The following CACNA1E variants were observed in gnomAD, a reference collection of about 807,000 sequenced individuals.
CACNA1E encodes the protein voltage-dependent R-type calcium channel subunit alpha-1E.
In CACNA1E, 40 loss-of-function variants were observed where a neutral mutation model predicts 259.2. The observed-to-expected ratio is 0.15, with a 90% CI of 0.12 to 0.20. The LOEUF (loss-of-function observed/expected upper bound fraction) is 0.20. Among genes scored for constraint, CACNA1E ranks in the 10% least tolerant of loss-of-function variants. CACNA1E has a pLI of 1.00. For synonymous variants in CACNA1E, 1,104 were observed against 1,138.5 expected (o/e 0.97, Z 0.61); for missense variants, 1,874 against 3,040.1 (o/e 0.62, Z 9.02).
At chr1:181,726,418 G>A (rs1654913773) in intron 18 of CACNA1E, among the ~76,000 whole-genome samples, 1 of 152,246 alleles carries the variant, frequency 6.6e-6, no homozygotes, top group African/African-American at 2.4e-5. Context: ...TGGTGGAGAA[G>A]TACAGGAGCT....
At chr1:181,746,402 A>G (rs1209508626) in intron 25 of CACNA1E, among the ~76,000 whole-genome samples, 1 of 152,202 alleles carries the variant, frequency 6.6e-6, no homozygotes, top group African/African-American at 2.4e-5. Flanking sequence ...GACTCATTTG[A>G]CTAGTAAATA....
chr1:181,650,678 C>T (rs1033997779), intron 6 of CACNA1E, among the ~76,000 whole-genome samples: 14 of 151,874 alleles, frequency 9.2e-5, no homozygotes, highest in Non-Finnish European at 1.8e-4. Context: ...ATTCATGATT[C>T]GAGAATCCGG....
intron 37 of CACNA1E, among the ~76,000 whole-genome samples, chr1:181,775,221 A>G (rs1659872883): frequency 6.6e-6 from 1 of 152,170 alleles, no homozygotes; most frequent in African/African-American, 2.4e-5. Context: ...TGACTAGTTG[A>G]GGCCTGGGTC....
At chr1:181,785,295 T>C in intron 41 of CACNA1E, 23 bp from the exon 42 acceptor site, 1 of 1,428,582 alleles carries the variant, frequency 7.0e-7, no homozygotes, top group Non-Finnish European at 9.9e-7. Context: ...CTGTTCACCA[T>C]CATGCCACAT....
chr1:181,718,418 A>C (rs1408229907), intron 12 of CACNA1E, among the ~76,000 whole-genome samples: 1 of 152,144 alleles, frequency 6.6e-6, no homozygotes, highest in Non-Finnish European at 1.5e-5. Context: ...GGGTACACTT[A>C]AGTGTATAGC....
At position 181,800,746 on chromosome 1, in the gene CACNA1E, A is replaced by G. The variant is rs1662212117; in HGVS notation, c.*1912A>G. ...TTCCCTCTATTTTTTAAATTGAAAT[A>G]TAATAGCTGCATCAGCCCTGAAAAG... On this transcript the variant is annotated 3_prime_UTR_variant, in exon 48 of 48. Coordinates refer to ENST00000367573, the MANE Select transcript of CACNA1E (RefSeq NM_001205293.3). The G allele has an allele frequency of 1.3e-5, 2 of 152,654 alleles. No individual in the cohort carries two copies. The highest frequency in any genetic ancestry group is 4.8e-5 in the African/African-American group (2 of 41,454). 9.5% of individuals were successfully genotyped at this position (152,654 alleles called of 1,614,324 possible).
At chr1:181,724,067 C>T (rs1486968328) in intron 16 of CACNA1E, among the ~76,000 whole-genome samples, 2 of 152,178 alleles carry the variant, frequency 1.3e-5, no homozygotes, top group Non-Finnish European at 2.9e-5. Context: ...TGGTGACCAG[C>T]CCCCATCCAG....
chr1:181,397,541 G>A lies in CACNA1E; in HGVS notation c.-14-15592G>A, dbSNP rs552630806. ...GTCTCGAACTGGCCTCGAGTGATCC[G>A]CCTGCCTCGGCCTCCCAAAGTGCTG... On this transcript the variant is annotated intron_variant, in intron 1 of 11. Coordinates refer to the CACNA1E transcript ENST00000524607. Among the ~76,000 whole-genome samples the A allele has an allele frequency of 3.3e-5, 5 of 152,058 alleles. No homozygotes were observed. The South Asian group carries it at 6.2e-4, about 19-fold the overall frequency.
intron 1 of CACNA1E, among the ~76,000 whole-genome samples, chr1:181,493,785 G>A (rs1664510009): frequency 6.6e-6 from 1 of 152,180 alleles, no homozygotes; most frequent in Non-Finnish European, 1.5e-5. Flanking sequence ...GTACAGGATG[G>A]CACAAGCAGA....
chr1:181,580,171 A>C (rs1340784164), intron 5 of CACNA1E, among the ~76,000 whole-genome samples: 1 of 152,026 alleles, frequency 6.6e-6, no homozygotes, highest in East Asian at 1.9e-4. Context: ...AAGGAGTTAA[A>C]CCCCCCTAAA....
chr1:181,757,276 A>G, intron 30 of CACNA1E, 150 bp downstream of exon 30: 1 of 636,702 alleles, frequency 1.6e-6, no homozygotes, highest in Non-Finnish European at 2.7e-6. Flanking sequence ...CCATTAAATA[A>G]GCATTTTCCA....
At chr1:181,618,380 C>T (rs1050684106) in intron 6 of CACNA1E, among the ~76,000 whole-genome samples, 6 of 152,128 alleles carry the variant, frequency 3.9e-5, no homozygotes, top group Admixed American at 3.9e-4. Flanking sequence ...GCCTGGCCAA[C>T]ATGGTGAAAG....
At chr1:181,494,890 T>C (rs544316720) in intron 1 of CACNA1E, among the ~76,000 whole-genome samples, 4 of 152,358 alleles carry the variant, frequency 2.6e-5, no homozygotes, top group African/African-American at 9.6e-5. Flanking sequence ...ATCAGTGTAT[T>C]AGTCAGTGTG....
At chr1:181,573,826 T>A (rs1016110959) in intron 3 of CACNA1E, among the ~76,000 whole-genome samples, 15 of 152,232 alleles carry the variant, frequency 9.9e-5, no homozygotes, top group Admixed American at 3.3e-4. Flanking sequence ...TACATACACA[T>A]GTATGTTCAT....
At chr1:181,716,999 G>A (rs1653957282) in intron 10 of CACNA1E, 94 bp from the exon 11 acceptor site, 1 of 987,642 alleles carries the variant, frequency 1.0e-6, no homozygotes, top group Admixed American at 1.9e-5. Context: ...ACCTTGCCCT[G>A]GGACTAGAGC....
At chr1:181,424,658 C>T (rs996788310) in intron 2 of CACNA1E, among the ~76,000 whole-genome samples, 1 of 152,244 alleles carries the variant, frequency 6.6e-6, no homozygotes, top group Non-Finnish European at 1.5e-5. Flanking sequence ...CTTTCTGAAG[C>T]CATTGGATGC....
intron 1 of CACNA1E, among the ~76,000 whole-genome samples, chr1:181,386,730 G>T (rs1446233705): frequency 6.6e-6 from 1 of 152,136 alleles, no homozygotes; most frequent in African/African-American, 2.4e-5. Context: ...AATCAGTATT[G>T]TCTGCTCATC....
At chr1:181,583,868 A>G (rs995974061) in intron 6 of CACNA1E, among the ~76,000 whole-genome samples, 1 of 152,076 alleles carries the variant, frequency 6.6e-6, no homozygotes, top group Non-Finnish European at 1.5e-5. Flanking sequence ...GGCTATTGCT[A>G]CCTGTTTGCA....
At chr1:181,735,940 G>T (rs1655995021) in intron 21 of CACNA1E, among the ~76,000 whole-genome samples, 1 of 152,118 alleles carries the variant, frequency 6.6e-6, no homozygotes, top group Non-Finnish European at 1.5e-5. Context: ...CCAGAGTTTA[G>T]ATATAAAATC....
Sources: allele counts gnomAD v4.1 joint callset (sites outside exome capture counted in the v4.1 genomes callset), GRCh38; gene constraint gnomAD v4.1.1; transcripts MANE v1.5; gene names NCBI Gene and HGNC (gene_info 2026-07-23, HGNC 2026-07-21).